The following PLCH1 variants were observed in gnomAD, a reference collection of about 807,000 sequenced individuals.
The protein encoded by PLCH1 is 1-phosphatidylinositol 4,5-bisphosphate phosphodiesterase eta-1.
PLCH1 carries 60 observed loss-of-function variants against 126.7 expected under a neutral mutation model. The ratio of observed to expected loss-of-function variants is 0.47; its 90% CI spans 0.38 to 0.59. The LOEUF (loss-of-function observed/expected upper bound fraction) is 0.59. PLCH1 is among the 20% of genes least tolerant of loss of function. The pLI, the probability that PLCH1 is intolerant of heterozygous loss-of-function variation, is 0.00. For synonymous variants in PLCH1, 719 were observed against 734.9 expected (o/e 0.98, Z 0.35); for missense variants, 1,723 against 2,040.0 (o/e 0.84, Z 2.99).
chr3:155,582,075 C>CTTTTTTTTTTTTT (rs869254665), intron 6 of PLCH1, among the ~76,000 whole-genome samples: 10 of 64,120 alleles, frequency 1.6e-4, no homozygotes, highest in Admixed American at 5.2e-4. Context: ...TCTTTTCTTT[C>CTTTTTTTTTTTTT]TTTTTTTTTT....
intron 8 of PLCH1, among the ~76,000 whole-genome samples, chr3:155,561,944 G>C (rs1727689986): frequency 1.3e-5 from 2 of 152,120 alleles, no homozygotes; most frequent in African/African-American, 4.8e-5. Context: ...ACCATGCCCG[G>C]ATAATTCTTG....
chr3:155,624,186 G>C (rs899447694), intron 2 of PLCH1, among the ~76,000 whole-genome samples: 1 of 152,178 alleles, frequency 6.6e-6, no homozygotes, highest in Non-Finnish European at 1.5e-5. Context: ...AAAGGCCTTT[G>C]ACAAAATTCA....
At chr3:155,607,364 T>C (rs1734495101) in intron 2 of PLCH1, among the ~76,000 whole-genome samples, 1 of 152,166 alleles carries the variant, frequency 6.6e-6, no homozygotes, top group Non-Finnish European at 1.5e-5. Context: ...ACTTAAATAA[T>C]ATATTTTGTC....
intron 1 of PLCH1, among the ~76,000 whole-genome samples, chr3:155,720,166 GC>G (rs1747841899): frequency 6.6e-6 from 1 of 152,158 alleles, no homozygotes; most frequent in African/African-American, 2.4e-5. Context: ...TGTGAATTAT[GC>G]TGCTATAAAC....
intron 2 of PLCH1, among the ~76,000 whole-genome samples, chr3:155,651,063 C>T (rs891805896): frequency 6.6e-6 from 1 of 151,638 alleles, no homozygotes; most frequent in Non-Finnish European, 1.5e-5. Context: ...CAGATTTAAA[C>T]AATAATATTC....
Position 155,492,861 on chromosome 3 carries a change from A to T in PLCH1, c.2183-8T>A, listed in dbSNP as rs774384045. 6.3e-7 allele frequency: 1 copy of T among 1,583,364 alleles called. No homozygotes were observed. Among genetic ancestry groups the T allele is most frequent in the Non-Finnish European group, 8.6e-7 (1 of 1,167,122 alleles). ...AGAAAGGGTTGAAAGTACCTAGGCCAAGTAAAGTATAAGTTGGTAACATAA... is the reference window on the plus strand; with the variant it reads ...AGAAAGGGTTGAAAGTACCTAGGCCTAGTAAAGTATAAGTTGGTAACATAA... On this transcript the variant is annotated splice_polypyrimidine_tract_variant and splice_region_variant and intron_variant, in intron 17 of 22. Transcript: ENST00000460012.
At chr3:155,545,265 C>T (rs1431586788) in intron 10 of PLCH1, among the ~76,000 whole-genome samples, 19 of 150,352 alleles carry the variant, frequency 1.3e-4, no homozygotes, top group African/African-American at 3.6e-4. Flanking sequence ...AACACCTCTA[C>T]GCAAATAAAC....
At chr3:155,478,571 T>A (rs569746060), downstream of PLCH1, among the ~76,000 whole-genome samples, 1 of 152,102 alleles carries the variant, frequency 6.6e-6, no homozygotes, top group Non-Finnish European at 1.5e-5. Flanking sequence ...TAAAAAAATT[T>A]AAAAAGGAAG....
intron 10 of PLCH1, among the ~76,000 whole-genome samples, chr3:155,526,924 G>A (rs915072493): frequency 6.6e-6 from 1 of 152,214 alleles, no homozygotes; most frequent in Non-Finnish European, 1.5e-5. Flanking sequence ...ACTAAGCACA[G>A]AGATAGTGGC....
chr3:155,683,512 A>G (rs1280941569), intron 2 of PLCH1, among the ~76,000 whole-genome samples: 2 of 152,210 alleles, frequency 1.3e-5, no homozygotes, highest in Admixed American at 6.5e-5. Context: ...GGAACACTAA[A>G]GCACACTGAA....
intron 21 of PLCH1, among the ~76,000 whole-genome samples, chr3:155,467,739 G>A (rs1444101992): frequency 6.6e-6 from 1 of 152,146 alleles, no homozygotes; most frequent in Non-Finnish European, 1.5e-5. Flanking sequence ...CCCTAAAATA[G>A]TATAACTGGC....
At chr3:155,615,512 T>C (rs986175659) in intron 2 of PLCH1, among the ~76,000 whole-genome samples, 4 of 152,062 alleles carry the variant, frequency 2.6e-5, no homozygotes, top group Non-Finnish European at 5.9e-5. Flanking sequence ...CAATTCACAA[T>C]TGCAAAAATA....
intron 13 of PLCH1, among the ~76,000 whole-genome samples, chr3:155,501,905 C>T (rs947752686): frequency 6.6e-6 from 1 of 152,160 alleles, no homozygotes. Flanking sequence ...GATGTTTAGA[C>T]AGAGAACCCT....
At chr3:155,667,448 T>C (rs1271016653) in intron 2 of PLCH1, among the ~76,000 whole-genome samples, 1 of 152,014 alleles carries the variant, frequency 6.6e-6, no homozygotes, top group Non-Finnish European at 1.5e-5. Flanking sequence ...AGAAATTAAA[T>C]TGAAGGGAAT....
chr3:155,703,385 A>G (rs550432289), intron 2 of PLCH1, among the ~76,000 whole-genome samples: 18 of 152,314 alleles, frequency 1.2e-4, no homozygotes, highest in African/African-American at 4.1e-4. Context: ...GATTACTCCA[A>G]AAATTCTGGC....
chr3:155,590,327 C>T lies in PLCH1; in HGVS notation c.470+3614G>A, dbSNP rs545572723. Among the ~76,000 whole-genome samples, 27 of 152,200 alleles carry T rather than the reference C, an allele frequency of 1.8e-4. No homozygotes were observed. In the South Asian group the frequency reaches 3.7e-3, roughly 21 times the overall value. ...GGTGCGGTGGCTCACGCCTGTAATC[C>T]CAGCACTTTGGGAGGCCGAGGTGGG... On this transcript the variant is annotated intron_variant, in intron 4 of 22. Transcript: ENST00000460012.
chr3:155,613,705 G>T (rs1735428117), intron 2 of PLCH1, among the ~76,000 whole-genome samples: 1 of 152,072 alleles, frequency 6.6e-6, no homozygotes, highest in Non-Finnish European at 1.5e-5. Flanking sequence ...TACTGAATAA[G>T]GAAAACTTGA....
At chr3:155,686,555 A>G (rs1158372107) in intron 2 of PLCH1, among the ~76,000 whole-genome samples, 2 of 152,206 alleles carry the variant, frequency 1.3e-5, no homozygotes, top group African/African-American at 4.8e-5. Context: ...CAATGCACCC[A>G]TATTGCTCAG....
intron 10 of PLCH1, among the ~76,000 whole-genome samples, chr3:155,542,420 G>T (rs1165943620): frequency 1.3e-5 from 2 of 152,194 alleles, no homozygotes; most frequent in East Asian, 3.9e-4. Flanking sequence ...AGCTTAAGAA[G>T]GCCTGCCTGC....
Sources: allele counts gnomAD v4.1 joint callset (sites outside exome capture counted in the v4.1 genomes callset), GRCh38; gene constraint gnomAD v4.1.1; transcripts MANE v1.5; gene names NCBI Gene and HGNC (gene_info 2026-07-23, HGNC 2026-07-21).